Variants in ZBTB2 observed in about 807,000 individuals in gnomAD.
ZBTB2 encodes zinc finger and BTB domain containing 2, also known as zinc finger and BTB domain-containing protein 2.
In ZBTB2, 2 loss-of-function variants were observed where a neutral mutation model predicts 39.5. That is an observed-to-expected ratio of 0.05 (90% confidence interval 0.02 to 0.16). ZBTB2 has a LOEUF of 0.16. Ranked by LOEUF, ZBTB2 falls within the 10% of genes least tolerant of loss-of-function variation. The pLI is 1.00. For synonymous variants in ZBTB2, 251 were observed against 256.6 expected, an observed-to-expected ratio of 0.98 and a Z score of 0.21; for missense variants, 391 against 653.0, an observed-to-expected ratio of 0.60 and a Z score of 4.37.
At chr6:151,375,866 G>A (rs1778896739) in intron 1 of ZBTB2, among the ~76,000 whole-genome samples, 1 of 152,100 alleles carries the variant, frequency 6.6e-6, no homozygotes, top group Non-Finnish European at 1.5e-5. Context: ...AACACGCCTG[G>A]CCTAAAATAA....
At chr6:151,377,529 T>G (rs1778941337) in intron 1 of ZBTB2, among the ~76,000 whole-genome samples, 1 of 142,810 alleles carries the variant, frequency 7.0e-6, no homozygotes. Flanking sequence ...CGACCATGTC[T>G]GGCTAATTTT....
At chr6:151,371,211 C>G (rs1778782340) in intron 2 of ZBTB2, among the ~76,000 whole-genome samples, 1 of 152,144 alleles carries the variant, frequency 6.6e-6, no homozygotes, top group African/African-American at 2.4e-5. Context: ...AGACATTGAT[C>G]AAGTGGCTAT....
At chr6:151,385,438 A>G (rs1779130079) in intron 1 of ZBTB2, among the ~76,000 whole-genome samples, 1 of 152,218 alleles carries the variant, frequency 6.6e-6, no homozygotes, top group Non-Finnish European at 1.5e-5. Context: ...TCCTTTTAGA[A>G]GTGCAGAAGA....
rs181450354 is a variant in ZBTB2, at chr6:151,377,573, C to A, written c.-12-3924G>T. ...TTTTTTTTTTTGAGATCGAGTCTCG[C>A]TCTGTTGCCCAGGCTGGAGTGCAGT... is the stretch of plus-strand genomic sequence containing the variant. On this transcript the variant is annotated intron_variant, in intron 1 of 2. Transcript: ENST00000325144. Among the ~76,000 whole-genome samples the A allele has an allele frequency of 2.8e-4, 39 of 140,940 alleles. No individual in the cohort carries two copies. In the East Asian group the frequency reaches 7.5e-3, roughly 27 times the overall value. 92.5% of individuals were successfully genotyped at this position (140,940 alleles called of 152,430 possible). A position where few individuals can be genotyped will look rare whatever the true frequency, so the allele number is the denominator to read the frequency against.
chr6:151,373,591 G>C lies in ZBTB2; in HGVS notation c.47C>G (p.Ala16Gly). The change falls in exon 2 of 3, where the codon GCT (alanine) becomes GGT (glycine). Residue 16 changes from alanine to glycine, a missense_variant. Ala to Gly is a moderately conservative substitution (Grantham distance 60). Coordinates refer to ENST00000325144, the MANE Select transcript of ZBTB2 (RefSeq NM_020861.3). The stretch of plus-strand genomic sequence containing the variant: ...ACACAGGAAACCAAACTCTCGCTGA[G>C]CGTTTAACTGTTGCAGTAGAATAAG... The part of the protein sequence containing the change: ...HGLILLQQLN[A>G]QREFGFLCDC... 6.2e-7 allele frequency: 1 copy of C among 1,614,084 alleles called. No individual in the cohort carries two copies. Among genetic ancestry groups the C allele is most frequent in the Non-Finnish European group, 8.5e-7 (1 of 1,180,018 alleles).
chr6:151,381,792 A>G (rs1026842121), intron 1 of ZBTB2, among the ~76,000 whole-genome samples: 4 of 152,232 alleles, frequency 2.6e-5, no homozygotes, highest in African/African-American at 9.6e-5. Flanking sequence ...TTTGCCAGCA[A>G]AGACACAAAA....
chr6:151,375,655 C>G (rs1778890934), intron 1 of ZBTB2, among the ~76,000 whole-genome samples: 6 of 152,178 alleles, frequency 3.9e-5, no homozygotes, highest in Admixed American at 3.3e-4. Context: ...CTCCTGGGTT[C>G]AAGCAATTCT....
At chr6:151,387,283 A>AT (rs1417615761) in intron 1 of ZBTB2, among the ~76,000 whole-genome samples, 3 of 152,158 alleles carry the variant, frequency 2.0e-5, no homozygotes, top group East Asian at 1.9e-4. Flanking sequence ...CCCACTCATG[A>AT]TTTTTAACAT....
intron 1 of ZBTB2, among the ~76,000 whole-genome samples, chr6:151,375,784 G>A (rs1460876879): frequency 1.3e-5 from 2 of 152,060 alleles, no homozygotes; most frequent in Admixed American, 1.3e-4. Context: ...GGCTATGCTG[G>A]CCTCGAACTC....
At chr6:151,376,769 C>G (rs1778917838) in intron 1 of ZBTB2, among the ~76,000 whole-genome samples, 1 of 152,176 alleles carries the variant, frequency 6.6e-6, no homozygotes, top group Non-Finnish European at 1.5e-5. Context: ...TACAGCCACT[C>G]TGGAAAAGAG....
intron 2 of ZBTB2, among the ~76,000 whole-genome samples, chr6:151,368,934 AT>A (rs906635475): frequency 6.7e-5 from 9 of 134,488 alleles, no homozygotes; most frequent in Admixed American, 1.5e-4. Flanking sequence ...TAATTTTTGT[AT>A]TTTTTTTAGT....
intron 1 of ZBTB2, among the ~76,000 whole-genome samples, chr6:151,389,415 C>G (rs1308181849): frequency 6.6e-6 from 1 of 152,194 alleles, no homozygotes; most frequent in Admixed American, 6.5e-5. Context: ...TAAAATGGCA[C>G]AGTCCCAATT....
chr6:151,368,644 G>T (rs1033917831), intron 2 of ZBTB2, among the ~76,000 whole-genome samples: 1 of 150,622 alleles, frequency 6.6e-6, no homozygotes, highest in African/African-American at 2.5e-5. Context: ...AGTAGGGATG[G>T]GGTTTTGCCA....
intron 1 of ZBTB2, among the ~76,000 whole-genome samples, chr6:151,382,286 G>C (rs769131872): frequency 6.6e-6 from 1 of 151,878 alleles, no homozygotes; most frequent in African/African-American, 2.4e-5. Context: ...ATGGAGTTTC[G>C]CTCTTGTTGC....
chr6:151,375,994 T>C (rs148128479), intron 1 of ZBTB2, among the ~76,000 whole-genome samples: 6,001 of 152,202 alleles, frequency 0.039, 146 homozygotes, highest in Non-Finnish European at 0.055. Context: ...AGTGAATTAA[T>C]AGAACAAAAC....
At position 151,391,536 on chromosome 6, in the gene ZBTB2, C is replaced by T. The variant is rs963139508; in HGVS notation, c.-129G>A. ...CTCTCGCTGCTGCTGCTGCTGCTGC[C>T]GCCGCGGTCGGTGTCTCCGGCGCGG... On this transcript the variant is annotated 5_prime_UTR_variant, in exon 1 of 3. Coordinates refer to ENST00000325144, the MANE Select transcript of ZBTB2 (RefSeq NM_020861.3). 6.4e-6 allele frequency: 1 copy of T among 155,168 alleles called. No homozygotes were observed. Among genetic ancestry groups the T allele is most frequent in the Admixed American group, 6.6e-5 (1 of 15,250 alleles). 9.6% of individuals were successfully genotyped at this position (155,168 alleles called of 1,614,324 possible). A position where few individuals can be genotyped will look rare whatever the true frequency, so the allele number is the denominator to read the frequency against.
intron 2 of ZBTB2, among the ~76,000 whole-genome samples, chr6:151,369,667 A>G (rs1397985944): frequency 6.6e-6 from 1 of 152,088 alleles, no homozygotes; most frequent in Admixed American, 6.5e-5. Context: ...ACATGTGCAC[A>G]CATACACTTA....
chr6:151,376,430 A>C (rs1778910736), intron 1 of ZBTB2, among the ~76,000 whole-genome samples: 1 of 152,198 alleles, frequency 6.6e-6, no homozygotes, highest in Non-Finnish European at 1.5e-5. Flanking sequence ...CAATATTTGA[A>C]AACTTTTGCA....
intron 1 of ZBTB2, among the ~76,000 whole-genome samples, chr6:151,378,686 G>A (rs1778967637): frequency 6.6e-6 from 1 of 152,140 alleles, no homozygotes; most frequent in Non-Finnish European, 1.5e-5. Flanking sequence ...TATGCTCCCT[G>A]CCATGTCCTC....
Sources: gnomAD v4.1 joint callset for allele counts (sites outside exome capture counted in the v4.1 genomes callset) on GRCh38, gnomAD v4.1.1 for gene constraint, MANE v1.5 for transcripts, NCBI Gene and HGNC (gene_info 2026-07-23, HGNC 2026-07-21) for gene names.